The following EXOC4 variants were observed in gnomAD, a reference collection of about 807,000 sequenced individuals.
The protein encoded by EXOC4 is exocyst complex component 4.
In EXOC4, 71 loss-of-function variants were observed where a neutral mutation model predicts 107.2. The ratio of observed to expected loss-of-function variants is 0.66; its 90% CI spans 0.55 to 0.81. The LOEUF is 0.81. Ranked by LOEUF, EXOC4 falls within the 30% of genes least tolerant of loss-of-function variation. The pLI, the probability that EXOC4 is intolerant of heterozygous loss-of-function variation, is 0.00. For missense variants in EXOC4, 1,108 were observed against 1,189.6 expected (o/e 0.93, Z 1.01); for synonymous variants, 456 against 441.2 (o/e 1.03, Z -0.42).
At chr7:133,292,566 C>T (rs1794431369) in intron 3 of EXOC4, among the ~76,000 whole-genome samples, 1 of 151,992 alleles carries the variant, frequency 6.6e-6, no homozygotes, top group South Asian at 2.1e-4. Flanking sequence ...CTTGTATTTC[C>T]CTGAACTGAT....
chr7:133,503,270 G>A (rs947139663), intron 9 of EXOC4, among the ~76,000 whole-genome samples: 20 of 151,930 alleles, frequency 1.3e-4, no homozygotes, highest in Non-Finnish European at 2.5e-4. Context: ...TACAATCTGG[G>A]GAGTTATTTT....
intron 17 of EXOC4, among the ~76,000 whole-genome samples, chr7:134,017,019 A>G (rs1794925290): frequency 6.6e-6 from 1 of 152,206 alleles, no homozygotes; most frequent in Non-Finnish European, 1.5e-5. Flanking sequence ...CCTATCAAAT[A>G]AAAATTTATC....
chr7:133,515,083 G>T (rs996827378), intron 9 of EXOC4, among the ~76,000 whole-genome samples: 4 of 152,000 alleles, frequency 2.6e-5, no homozygotes, highest in Non-Finnish European at 4.4e-5. Flanking sequence ...ATCTCTACAA[G>T]ATAGTTTATT....
At chr7:133,408,955 T>G (rs1042811738) in intron 7 of EXOC4, among the ~76,000 whole-genome samples, 52 of 152,326 alleles carry the variant, frequency 3.4e-4, no homozygotes, top group African/African-American at 1.2e-3. Context: ...TGAACTATCA[T>G]AGGTAGCCTG....
chr7:133,256,035 G>A (rs1397177699), intron 1 of EXOC4, among the ~76,000 whole-genome samples: 1 of 150,880 alleles, frequency 6.6e-6, no homozygotes, highest in Non-Finnish European at 1.5e-5. Context: ...AGGCTGGAGT[G>A]CAGTGGCGCA....
intron 14 of EXOC4, among the ~76,000 whole-genome samples, chr7:133,966,311 G>A (rs1021458635): frequency 6.6e-6 from 1 of 152,054 alleles, no homozygotes; most frequent in African/African-American, 2.4e-5. Context: ...ATTTGAATAT[G>A]CTTTATTTCT....
chr7:133,423,997 T>G (rs1187306663), intron 7 of EXOC4, among the ~76,000 whole-genome samples: 1 of 152,106 alleles, frequency 6.6e-6, no homozygotes. Context: ...AACTTTTCTG[T>G]CTAGCTACAG....
chr7:133,912,457 G>C (rs1349521162), intron 12 of EXOC4, among the ~76,000 whole-genome samples: 1 of 152,186 alleles, frequency 6.6e-6, no homozygotes, highest in African/African-American at 2.4e-5. Context: ...ATTGAATCCA[G>C]AGAGGCATGG....
intron 9 of EXOC4, among the ~76,000 whole-genome samples, chr7:133,544,465 C>A (rs1254455122): frequency 5.3e-5 from 8 of 152,000 alleles, no homozygotes; most frequent in Non-Finnish European, 1.0e-4. Flanking sequence ...TTTTTGGTAT[C>A]TTTATTCTGA....
At chr7:133,746,659 A>T (rs965852701) in intron 10 of EXOC4, among the ~76,000 whole-genome samples, 2 of 152,164 alleles carry the variant, frequency 1.3e-5, no homozygotes, top group Non-Finnish European at 2.9e-5. Flanking sequence ...TAGCTCTGTA[A>T]TTCAGTGCTC....
rs746714622 is a variant in EXOC4 at position 134,007,741 on chromosome 7, T to G, written c.2593T>G (p.Ser865Ala). Reference protein sequence around the residue: ...GAQYFRRISESGIKKMCRNIF... With the variant: ...GAQYFRRISEAGIKKMCRNIF... ...CCAGTACTTCAGGCGCATCAGTGAG[T>G]CTGGCATCAAGAAAATGTGTAGGAA... The change falls in exon 17 of 18, where the codon TCT (serine) becomes GCT (alanine). Residue 865 changes from serine to alanine, a missense_variant. By Grantham distance (99) the Ser-to-Ala change is moderately conservative. Coordinates refer to ENST00000253861, the MANE Select transcript of EXOC4 (RefSeq NM_021807.4). 13 of 1,613,574 alleles carry G rather than the reference T, an allele frequency of 8.1e-6. No individual in the cohort carries two copies. Among genetic ancestry groups the G allele is most frequent in the Non-Finnish European group, 9.3e-6 (11 of 1,179,746 alleles).
intron 9 of EXOC4, among the ~76,000 whole-genome samples, chr7:133,498,605 A>G (rs1799522643): frequency 6.6e-6 from 1 of 151,494 alleles, no homozygotes; most frequent in East Asian, 2.0e-4. Context: ...AAACAAACAA[A>G]CAAAAATAAA....
chr7:133,735,250 A>AAAAAAAG (rs1795419196), intron 10 of EXOC4, among the ~76,000 whole-genome samples: 1 of 148,096 alleles, frequency 6.8e-6, no homozygotes, highest in Non-Finnish European at 1.5e-5. Context: ...AAAAAAAAAA[A>AAAAAAAG]AAGTTAAAGT....
intron 9 of EXOC4, among the ~76,000 whole-genome samples, chr7:133,539,208 T>C (rs1584985424): frequency 6.6e-6 from 1 of 152,230 alleles, no homozygotes; most frequent in East Asian, 1.9e-4. Context: ...CAGAGTGTCC[T>C]GCCCTCCCTG....
At chr7:133,548,455 T>C (rs1800523865) in intron 9 of EXOC4, among the ~76,000 whole-genome samples, 3 of 152,218 alleles carry the variant, frequency 2.0e-5, no homozygotes, top group African/African-American at 4.8e-5. Context: ...GACTTCTCTC[T>C]AGCTCTGAAA....
At chr7:133,513,111 A>G (rs1288724216) in intron 9 of EXOC4, among the ~76,000 whole-genome samples, 3 of 152,228 alleles carry the variant, frequency 2.0e-5, no homozygotes, top group African/African-American at 7.2e-5. Context: ...TCTCAAAAAA[A>G]TATATAAATA....
chr7:133,552,689 T>G (rs1800614737), intron 9 of EXOC4, among the ~76,000 whole-genome samples: 1 of 152,096 alleles, frequency 6.6e-6, no homozygotes, highest in South Asian at 2.1e-4. Context: ...TGATCATACA[T>G]GTATGATCAG....
At chr7:134,005,778 C>T (rs939074015) in intron 16 of EXOC4, among the ~76,000 whole-genome samples, 4 of 152,138 alleles carry the variant, frequency 2.6e-5, no homozygotes, top group African/African-American at 9.7e-5. Flanking sequence ...TGTTCTCTCA[C>T]AGAATTAAAC....
chr7:133,626,293 A>G (rs1473324940), intron 9 of EXOC4, among the ~76,000 whole-genome samples: 1 of 152,180 alleles, frequency 6.6e-6, no homozygotes, highest in Non-Finnish European at 1.5e-5. Context: ...TTTCTCACCC[A>G]GAATACTGAA....
Sources: allele counts gnomAD v4.1 joint callset (sites outside exome capture counted in the v4.1 genomes callset), GRCh38; gene constraint gnomAD v4.1.1; transcripts MANE v1.5; gene names NCBI Gene and HGNC (gene_info 2026-07-23, HGNC 2026-07-21).